SLC41A1: variants seen among roughly 807,000 people sequenced by gnomAD.
The protein encoded by SLC41A1 is solute carrier family 41 (magnesium transporter), member 1.
In SLC41A1, 20 loss-of-function variants were observed where a neutral mutation model predicts 47.3. That is an observed-to-expected ratio of 0.42 (90% confidence interval 0.30 to 0.61). SLC41A1 has a LOEUF of 0.61. Ranked by LOEUF, SLC41A1 falls within the 20% of genes least tolerant of loss-of-function variation. The pLI is 0.17. For synonymous variants in SLC41A1, 282 were observed against 272.7 expected, an observed-to-expected ratio of 1.03 and a Z score of -0.34; for missense variants, 504 against 674.1, an observed-to-expected ratio of 0.75 and a Z score of 2.79.
Position 205,810,275 on chromosome 1 carries a change from T to A in SLC41A1, c.167A>T (p.Asn56Ile). 1 of 1,614,130 alleles carries A rather than the reference T, an allele frequency of 6.2e-7. No individual in the cohort carries two copies. Among genetic ancestry groups the A allele is most frequent in the African/African-American group, 1.3e-5 (1 of 75,044 alleles). Reference sequence around the variant, plus strand: ...GTCCTCCTCCCGAACCCCCTTGGCGTTGGCCCGAGACTCAATCACCACCTC... The same window carrying A: ...GTCCTCCTCCCGAACCCCCTTGGCGATGGCCCGAGACTCAATCACCACCTC... ...GVEVVIESRA[N>I]AKGVREEDAL... The change falls in exon 2 of 11, where the codon AAC (asparagine) becomes ATC (isoleucine). Residue 56 changes from asparagine to isoleucine, a missense_variant. Asn to Ile is a moderately radical substitution (Grantham distance 149, BLOSUM62 -3). Around this residue, in one of 2 missense-constraint regions of SLC41A1, gnomAD observed 83 missense variants for 72.5 expected, o/e 1.15. Coordinates refer to ENST00000367137, the MANE Select transcript of SLC41A1 (RefSeq NM_173854.6). This position sits in a 1 kb window ranked among gnomAD's most constrained non-coding sequence, Gnocchi z 5.5.
At chr1:205,800,568 C>T (rs1433719430) in intron 3 of SLC41A1, among the ~76,000 whole-genome samples, 1 of 63,338 alleles carries the variant, frequency 1.6e-5, no homozygotes, top group Non-Finnish European at 3.0e-5. Context: ...TGGCTCTGCT[C>T]CCGCCCAGCT....
intron 8 of SLC41A1, 179 bp from the exon 9 acceptor site, chr1:205,795,657 G>A: frequency 1.3e-6 from 1 of 745,944 alleles, no homozygotes; most frequent in Non-Finnish European, 2.2e-6. Flanking sequence ...CACTAAGAAG[G>A]AAGACAAAGA....
chr1:205,808,458 C>T (rs1656067399), intron 2 of SLC41A1, among the ~76,000 whole-genome samples: 1 of 152,200 alleles, frequency 6.6e-6, no homozygotes, highest in South Asian at 2.1e-4. Context: ...TTCCCCACTA[C>T]CATTACTATT....
intron 1 of SLC41A1, among the ~76,000 whole-genome samples, chr1:205,811,757 T>C (rs1349166400): frequency 6.6e-6 from 1 of 152,144 alleles, no homozygotes. Context: ...GAGTCAACAG[T>C]GTTACAAAGA....
chr1:205,799,612 G>C (rs1655825666), intron 4 of SLC41A1, 147 bp downstream of exon 4: 1 of 878,562 alleles, frequency 1.1e-6, no homozygotes, highest in Non-Finnish European at 1.9e-6. Flanking sequence ...GGGTAACCTA[G>C]TTACCTCCTA....
chr1:205,808,144 C>T (rs1018615607), intron 2 of SLC41A1, among the ~76,000 whole-genome samples: 6 of 152,012 alleles, frequency 3.9e-5, no homozygotes, highest in African/African-American at 1.5e-4. Flanking sequence ...TTAGTAGAGA[C>T]GGGGTTTCAC....
intron 1 of SLC41A1, among the ~76,000 whole-genome samples, chr1:205,812,575 C>T (rs1656182929): frequency 6.6e-6 from 1 of 152,234 alleles, no homozygotes. Flanking sequence ...AGACTTCAGA[C>T]AGGCCTAAGG....
chr1:205,793,899 A>C (rs988096435), intron 10 of SLC41A1, among the ~76,000 whole-genome samples: 9 of 152,248 alleles, frequency 5.9e-5, no homozygotes, highest in African/African-American at 2.2e-4. Context: ...ATGGCTGTGA[A>C]GAAGAGGACA....
intron 6 of SLC41A1, among the ~76,000 whole-genome samples, chr1:205,798,355 G>A (rs1558080242): frequency 2.0e-5 from 3 of 152,060 alleles, no homozygotes; most frequent in South Asian, 2.1e-4. Flanking sequence ...TCTCCCACCC[G>A]CTTCTTCATT....
At chr1:205,808,663 G>A (rs1035247105) in intron 2 of SLC41A1, among the ~76,000 whole-genome samples, 2 of 152,212 alleles carry the variant, frequency 1.3e-5, no homozygotes, top group African/African-American at 4.8e-5. Context: ...GCCCTAGGGG[G>A]AGGAGCAGCC....
chr1:205,795,586 G>T, intron 8 of SLC41A1, 108 bp from the exon 9 acceptor site: 1 of 1,384,892 alleles, frequency 7.2e-7, no homozygotes, highest in Non-Finnish European at 1.0e-6. Context: ...ACTGTCCTCT[G>T]TCTTAATTTA....
chr1:205,813,033 C>A lies in SLC41A1; in HGVS notation c.-872G>T. ...GCGAGGCCGCCGCTCCGCTTCCACGCGGGGGAGGTGGCCGGGGAGGGCAGG... is the reference window on the plus strand; with the variant it reads ...GCGAGGCCGCCGCTCCGCTTCCACGAGGGGGAGGTGGCCGGGGAGGGCAGG... On this transcript the variant is annotated 5_prime_UTR_variant, in exon 1 of 11. Transcript: ENST00000367137. 1 of 985,510 alleles carries A rather than the reference C, an allele frequency of 1.0e-6. No individual in the cohort carries two copies. Among genetic ancestry groups the A allele is most frequent in the Non-Finnish European group, 1.2e-6 (1 of 829,986 alleles). 61.0% of individuals were successfully genotyped at this position (985,510 alleles called of 1,614,324 possible). A position where few individuals can be genotyped will look rare whatever the true frequency, so the allele number is the denominator to read the frequency against.
Position 205,794,911 on chromosome 1 carries a change from G to A in SLC41A1, c.1315C>T (p.Leu439Phe), listed in dbSNP as rs747288210. Reference sequence around the variant, plus strand: ...GTCATATAGAAGATGATGAAGATGAGTGTGAGGGTGGTGTGCCCGCCCTGC... The same window carrying A: ...GTCATATAGAAGATGATGAAGATGAATGTGAGGGTGGTGTGCCCGCCCTGC... Reference protein sequence around the residue: ...CMQGGHTTLTLIFIIFYMTAA... With the variant: ...CMQGGHTTLTFIFIIFYMTAA... Residue 439 changes from leucine (L) to phenylalanine (F), a missense_variant, in exon 10 of 11, where the codon CTC becomes TTC. By Grantham distance (22) the Leu-to-Phe change is conservative. Transcript: ENST00000367137. 2 of 1,614,084 alleles carry A rather than the reference G, an allele frequency of 1.2e-6. No individual in the cohort carries two copies. Among genetic ancestry groups the A allele is most frequent in the East Asian group, 2.2e-5 (1 of 44,874 alleles).
intron 6 of SLC41A1, 60 bp from the exon 7 acceptor site, chr1:205,798,111 C>G: frequency 6.2e-7 from 1 of 1,609,752 alleles, no homozygotes; most frequent in Non-Finnish European, 8.5e-7. Context: ...AAGTTTCTCC[C>G]TGGCTCAGCC....
intron 2 of SLC41A1, among the ~76,000 whole-genome samples, chr1:205,803,632 C>CTTTTTTTTTTT (rs140199204): frequency 3.3e-5 from 4 of 121,032 alleles, no homozygotes; most frequent in African/African-American, 2.9e-5. Context: ...TAGTCAAATT[C>CTTTTTTTTTTT]TTTTTTTTTT....
At position 205,789,994 on chromosome 1, in the gene SLC41A1, C is replaced by T. The variant is rs1161191764; in HGVS notation, c.*1539G>A. The T allele has an allele frequency of 2.0e-5, 3 of 152,230 alleles. No individual in the cohort carries two copies. Among genetic ancestry groups the T allele is most frequent in the African/African-American group, 7.2e-5 (3 of 41,422 alleles). 9.4% of individuals were successfully genotyped at this position (152,230 alleles called of 1,614,324 possible). ...CTAGGCAGAGAAAAGTAGAAACAAC[C>T]AGATGATGTCCACCCTGCTAGTTCT... On this transcript the variant is annotated 3_prime_UTR_variant, in exon 11 of 11. Coordinates refer to ENST00000367137, the MANE Select transcript of SLC41A1 (RefSeq NM_173854.6).
chr1:205,808,243 A>C (rs996234174), intron 2 of SLC41A1, among the ~76,000 whole-genome samples: 2 of 152,214 alleles, frequency 1.3e-5, no homozygotes, highest in African/African-American at 2.4e-5. Context: ...GGCATGAGCC[A>C]CTGAGCTCGG....
intron 2 of SLC41A1, among the ~76,000 whole-genome samples, chr1:205,807,132 C>G (rs1656031260): frequency 6.6e-6 from 1 of 152,046 alleles, no homozygotes; most frequent in Non-Finnish European, 1.5e-5. Flanking sequence ...TCCTTAGAAA[C>G]CATCCCGCTC....
intron 2 of SLC41A1, 99 bp from the exon 3 acceptor site, chr1:205,801,159 G>C (rs1385887962): frequency 1.1e-6 from 1 of 943,180 alleles, no homozygotes; most frequent in Non-Finnish European, 1.7e-6. Flanking sequence ...GGAGGAAATA[G>C]AATCAGCAGG....
Sources: allele counts gnomAD v4.1 joint callset (sites outside exome capture counted in the v4.1 genomes callset), GRCh38; gene constraint gnomAD v4.1.1; regional missense constraint gnomAD v4.1.1; non-coding constraint Gnocchi (gnomAD v3.1); transcripts MANE v1.5; gene names NCBI Gene and HGNC (gene_info 2026-07-23, HGNC 2026-07-21).